LAMP1: variants seen among roughly 807,000 people sequenced by gnomAD.
LAMP1 encodes the protein lysosome associated membrane protein 1.
LAMP1 carries 7 observed loss-of-function variants against 37.5 expected under a neutral mutation model. The ratio of observed to expected loss-of-function variants is 0.19; its 90% CI spans 0.11 to 0.35. The LOEUF is 0.35. Among genes scored for constraint, LAMP1 ranks in the 10% least tolerant of loss-of-function variants. LAMP1 has a pLI of 1.00. For synonymous variants in LAMP1, 236 were observed against 229.1 expected (o/e 1.03, Z -0.27); for missense variants, 537 against 552.8 (o/e 0.97, Z 0.29).
chr13:113,322,366 T>C lies in LAMP1; in HGVS notation c.1199T>C (p.Leu400Pro). 6.3e-7 allele frequency: 1 copy of C among 1,589,690 alleles called. No individual in the cohort carries two copies. Among genetic ancestry groups the C allele is most frequent in the South Asian group, 1.1e-5 (1 of 87,770 alleles). Residue 400 changes from leucine to proline, a missense_variant, in exon 9 of 9, where the codon CTC (leucine) becomes CCC (proline). Physicochemically the swap from Leu to Pro is moderately conservative, Grantham distance 98. Coordinates refer to ENST00000332556, the MANE Select transcript of LAMP1 (RefSeq NM_005561.4). The part of the protein sequence containing the change: ...GALAGLVLIV[L>P]IAYLVGRKRS... ...CTGGCGGGGCTGGTCCTCATCGTCC[T>C]CATCGCCTACCTCGTCGGCAGGAAG...
chr13:113,300,493 A>G (rs1218785310), intron 1 of LAMP1, among the ~76,000 whole-genome samples: 1 of 148,040 alleles, frequency 6.8e-6, no homozygotes, highest in Non-Finnish European at 1.5e-5. Flanking sequence ...TGTCAAAAAA[A>G]AAAAAAAAAA....
intron 2 of LAMP1, among the ~76,000 whole-genome samples, chr13:113,308,263 A>T (rs1050893264): frequency 7.1e-6 from 1 of 141,830 alleles, no homozygotes; most frequent in Non-Finnish European, 1.5e-5. Context: ...TGATCTGCCC[A>T]CCTTGGCCTC....
At chr13:113,302,074 G>T (rs1279111968) in intron 1 of LAMP1, among the ~76,000 whole-genome samples, 1 of 151,432 alleles carries the variant, frequency 6.6e-6, no homozygotes, top group Non-Finnish European at 1.5e-5. Context: ...GTTTGGTCAG[G>T]CTGGTCTCAA....
At chr13:113,301,220 C>G (rs540992256) in intron 1 of LAMP1, among the ~76,000 whole-genome samples, 1 of 152,172 alleles carries the variant, frequency 6.6e-6, no homozygotes, top group Middle Eastern at 3.4e-3. Context: ...CAGCGAGGCA[C>G]AGTGGCTCAT....
At chr13:113,309,952 G>T in intron 3 of LAMP1, 90 bp downstream of exon 3, 4 of 1,047,044 alleles carry the variant, frequency 3.8e-6, no homozygotes, top group Non-Finnish European at 5.8e-6. Flanking sequence ...GTACAGGCTG[G>T]GTGTGGTGGC....
At chr13:113,310,936 CCT>C in intron 4 of LAMP1, 69 bp downstream of exon 4, 1 of 1,328,946 alleles carries the variant, frequency 7.5e-7, no homozygotes, top group South Asian at 1.3e-5. Flanking sequence ...CTGCGGGTGA[CCT>C]CACTGCTCTG....
rs1456860381 is a variant in LAMP1, at chr13:113,306,730, CCTT to C, written c.183+127_183+129del. 2.8e-6 allele frequency: 3 copies of C among 1,080,278 alleles called. No individual in the cohort carries two copies. In the African/African-American group the frequency reaches 4.8e-5, roughly 17 times the overall value. 66.9% of individuals were successfully genotyped at this position (1,080,278 alleles called of 1,614,324 possible). On this transcript the variant is annotated intron_variant, in intron 2 of 8. Coordinates refer to ENST00000332556, the MANE Select transcript of LAMP1 (RefSeq NM_005561.4). ...TGGTGCTTTTCCTATCTGCATATCT[CCTT>C]CTGGTGTTGTCAGTAACCTGCGCTG...
At chr13:113,302,407 C>G (rs933355499) in intron 1 of LAMP1, among the ~76,000 whole-genome samples, 1 of 152,054 alleles carries the variant, frequency 6.6e-6, no homozygotes, top group African/African-American at 2.4e-5. Flanking sequence ...CTAGGCTAGT[C>G]TCAAACTCCT....
chr13:113,321,706 G>A lies in LAMP1; in HGVS notation c.1093G>A (p.Glu365Lys). 6.2e-7 allele frequency: 1 copy of A among 1,614,148 alleles called. No homozygotes were observed. The highest frequency in any genetic ancestry group is 8.5e-7 in the Non-Finnish European group (1 of 1,180,046). ...FKVWVQAFKV[E>K]GGQFGSVEEC... The stretch of plus-strand genomic sequence containing the variant: ...AGTGTGGGTCCAGGCTTTCAAGGTG[G>A]AAGGTGGCCAGTTTGGCTCTGGTGA... Residue 365 changes from glutamate to lysine, a missense_variant, in exon 8 of 9, where the codon GAA becomes AAA. By Grantham distance (56) the Glu-to-Lys change is moderately conservative. Coordinates refer to ENST00000332556, the MANE Select transcript of LAMP1 (RefSeq NM_005561.4). The surrounding 1 kb of genome is among the most constrained non-coding windows in gnomAD (Gnocchi z 5.6).
intron 1 of LAMP1, 23 bp from the exon 2 acceptor site, chr13:113,306,462 T>TC: frequency 1.2e-6 from 2 of 1,611,096 alleles, no homozygotes; most frequent in Non-Finnish European, 1.7e-6. Context: ...TTTGATGGTC[T>TC]CCGTCTTCCC....
chr13:113,318,236 G>A (rs565918845), intron 4 of LAMP1, among the ~76,000 whole-genome samples: 7 of 152,336 alleles, frequency 4.6e-5, no homozygotes, highest in South Asian at 2.1e-4. Context: ...AGTCATAGGC[G>A]ACGTTGCCTG....
intron 4 of LAMP1, among the ~76,000 whole-genome samples, chr13:113,311,590 G>A (rs1480970120): frequency 1.3e-5 from 2 of 152,162 alleles, no homozygotes; most frequent in African/African-American, 4.8e-5. Flanking sequence ...AAAGACCAAC[G>A]CTGCCTCTCT....
At chr13:113,302,766 C>G (rs551041052) in intron 1 of LAMP1, among the ~76,000 whole-genome samples, 1 of 152,214 alleles carries the variant, frequency 6.6e-6, no homozygotes, top group East Asian at 1.9e-4. Context: ...CCTCAGTCAT[C>G]AAGTGCTGGA....
At position 113,309,924 on chromosome 13, in the gene LAMP1, GTT is replaced by G. The variant is rs1208387398; in HGVS notation, c.403+63_403+64del. On this transcript the variant is annotated intron_variant, in intron 3 of 8. Coordinates refer to ENST00000332556, the MANE Select transcript of LAMP1 (RefSeq NM_005561.4). Reference sequence around the variant, plus strand: ...AAATTGGGTTGGAGGATTGTCTAAAGTTACTTTTACCTAAGAAGTACAGGCTG... The same window carrying G: ...AAATTGGGTTGGAGGATTGTCTAAAGACTTTTACCTAAGAAGTACAGGCTG... 7 of 1,378,354 alleles carry G rather than the reference GTT, an allele frequency of 5.1e-6. No homozygotes were observed. In the African/African-American group the frequency reaches 1.0e-4, roughly 20 times the overall value. 85.4% of individuals were successfully genotyped at this position (1,378,354 alleles called of 1,614,324 possible).
At chr13:113,308,021 C>G (rs1479543549) in intron 2 of LAMP1, among the ~76,000 whole-genome samples, 1 of 139,308 alleles carries the variant, frequency 7.2e-6, no homozygotes, top group Non-Finnish European at 1.6e-5. Context: ...AGCCTTTTTT[C>G]TTTTTTCTGA....
chr13:113,321,515 C>T lies in LAMP1; in HGVS notation c.944-42C>T, dbSNP rs1476446813. On this transcript the variant is annotated intron_variant, in intron 7 of 8. Transcript: ENST00000332556. The surrounding 1 kb of genome is among the most constrained non-coding windows in gnomAD (Gnocchi z 5.6). ...GCGAGCCCCGCCCCCGCCCGCGCGC[C>T]CAGGGTATTCTGGAGCCACTAGACC... is the stretch of plus-strand genomic sequence containing the variant. 2.5e-6 allele frequency: 4 copies of T among 1,613,608 alleles called. No individual in the cohort carries two copies. Among genetic ancestry groups the T allele is most frequent in the East Asian group, 2.2e-5 (1 of 44,678 alleles).
chr13:113,316,524 G>A (rs1166435065), intron 4 of LAMP1, among the ~76,000 whole-genome samples: 1 of 150,862 alleles, frequency 6.6e-6, no homozygotes, highest in African/African-American at 2.4e-5. Flanking sequence ...CTGGGTTCAC[G>A]CCATTCTTCT....
At chr13:113,316,482 G>A (rs981762656) in intron 4 of LAMP1, among the ~76,000 whole-genome samples, 2 of 150,644 alleles carry the variant, frequency 1.3e-5, no homozygotes, top group African/African-American at 4.9e-5. Context: ...GAGTGCAGTG[G>A]CGTGATCTCT....
At chr13:113,301,372 A>T (rs2042570209) in intron 1 of LAMP1, among the ~76,000 whole-genome samples, 1 of 151,824 alleles carries the variant, frequency 6.6e-6, no homozygotes, top group Non-Finnish European at 1.5e-5. Context: ...TGTAATCCTA[A>T]CACTTTGGGA....
Sources: allele counts gnomAD v4.1 joint callset (sites outside exome capture counted in the v4.1 genomes callset), GRCh38; gene constraint gnomAD v4.1.1; non-coding constraint Gnocchi (gnomAD v3.1); transcripts MANE v1.5; gene names NCBI Gene and HGNC (gene_info 2026-07-23, HGNC 2026-07-21).